MATN2: variants seen among roughly 807,000 people sequenced by gnomAD.
MATN2 encodes matrilin-2.
In MATN2, 69 loss-of-function variants were observed where a neutral mutation model predicts 103.2. The ratio of observed to expected loss-of-function variants is 0.67; its 90% confidence interval spans 0.55 to 0.82. The LOEUF is 0.82. Among genes scored for constraint, MATN2 ranks in the 40% least tolerant of loss-of-function variants. The pLI is 0.00. For synonymous variants in MATN2, 429 were observed against 450.2 expected, an observed-to-expected ratio of 0.95 and a Z score of 0.60; for missense variants, 1,023 against 1,211.5, an observed-to-expected ratio of 0.84 and a Z score of 2.31.
rs1814231092 is a variant in MATN2, at chr8:98,035,885, T to C, written c.*173T>C. 1 of 417,056 alleles carries C rather than the reference T, an allele frequency of 2.4e-6. No individual in the cohort carries two copies. The highest frequency in any genetic ancestry group is 4.4e-5 in the Admixed American group (1 of 22,874). 25.8% of individuals were successfully genotyped at this position (417,056 alleles called of 1,614,324 possible). A position where few individuals can be genotyped will look rare whatever the true frequency, so the allele number is the denominator to read the frequency against. On this transcript the variant is annotated 3_prime_UTR_variant, in exon 19 of 19. Coordinates refer to ENST00000254898, the MANE Select transcript of MATN2 (RefSeq NM_002380.5). ...AAGACAAGAAGTATACACTAACTTG[T>C]ATAAATTTATCTAGGAAAAAAATCC...
chr8:97,953,836 C>T (rs1811050876), intron 4 of MATN2, among the ~76,000 whole-genome samples: 1 of 149,206 alleles, frequency 6.7e-6, no homozygotes, highest in Admixed American at 6.7e-5. Flanking sequence ...GTGGTGCGTA[C>T]CTTTAGTCCC....
At chr8:97,941,741 C>T (rs2130182695) in intron 3 of MATN2, 36 bp from the exon 4 acceptor site, 1 of 1,552,284 alleles carries the variant, frequency 6.4e-7, no homozygotes, top group Non-Finnish European at 8.7e-7. Context: ...GAAAGGGCAT[C>T]ACTGTTGACT....
intron 2 of MATN2, among the ~76,000 whole-genome samples, chr8:97,890,539 A>C (rs914279873): frequency 6.6e-6 from 1 of 151,356 alleles, no homozygotes; most frequent in East Asian, 1.9e-4. Flanking sequence ...TGTGGCCTGG[A>C]TTCTCAAGTG....
chr8:97,909,191 C>T (rs2130063021), intron 2 of MATN2, among the ~76,000 whole-genome samples: 1 of 152,362 alleles, frequency 6.6e-6, no homozygotes, highest in African/African-American at 2.4e-5. Flanking sequence ...CCTTGGCCTC[C>T]CAAATTGCTG....
chr8:98,021,460 G>C (rs1243841050), intron 13 of MATN2, 133 bp downstream of exon 13: 2 of 969,344 alleles, frequency 2.1e-6, no homozygotes, highest in African/African-American at 3.3e-5. Flanking sequence ...AATACAGAAT[G>C]GGGAAGAGAG....
chr8:97,967,608 TCTCCTTTGA>T, intron 5 of MATN2, among the ~76,000 whole-genome samples: 1 of 152,302 alleles, frequency 6.6e-6, no homozygotes, highest in Admixed American at 6.5e-5. Context: ...TCCAAAACAA[TCTCCTTTGA>T]CTCCATGTCC....
intron 16 of MATN2, among the ~76,000 whole-genome samples, chr8:98,032,770 G>A (rs370447867): frequency 1.7e-3 from 253 of 152,246 alleles, no homozygotes; most frequent in African/African-American, 5.7e-3. Context: ...GACCTCAAGC[G>A]ATCCACCCAC....
chr8:97,964,132 T>C (rs1368523083), intron 5 of MATN2, among the ~76,000 whole-genome samples: 2 of 152,140 alleles, frequency 1.3e-5, no homozygotes, highest in Non-Finnish European at 2.9e-5. Context: ...GGGCTAAGTC[T>C]GGCCTAGGAG....
chr8:97,984,343 G>T (rs966737441), intron 6 of MATN2, among the ~76,000 whole-genome samples: 1 of 152,230 alleles, frequency 6.6e-6, no homozygotes, highest in South Asian at 2.1e-4. Context: ...GGCTACTTGC[G>T]TTCTTTGTGG....
Position 98,035,977 on chromosome 8 carries a change from C to T in MATN2, c.*265C>T. On this transcript the variant is annotated 3_prime_UTR_variant, in exon 19 of 19. Coordinates refer to ENST00000254898, the MANE Select transcript of MATN2 (RefSeq NM_002380.5). Reference sequence around the variant, plus strand: ...GCTATGCAAGGTATTTTGTAATATACTGTGGACACAACTTGCTTCTGCCTC... The same window carrying T: ...GCTATGCAAGGTATTTTGTAATATATTGTGGACACAACTTGCTTCTGCCTC... 2 of 316,144 alleles carry T rather than the reference C, an allele frequency of 6.3e-6. No individual in the cohort carries two copies. The highest frequency in any genetic ancestry group is 1.1e-5 in the Non-Finnish European group (2 of 174,654). The allele number at this position is 316,144 out of a possible 1,614,324, so 19.6% of individuals were successfully genotyped here.
At chr8:98,006,023 T>C (rs1812955873) in intron 8 of MATN2, among the ~76,000 whole-genome samples, 3 of 152,352 alleles carry the variant, frequency 2.0e-5, no homozygotes, top group Middle Eastern at 6.8e-3. Flanking sequence ...GCCTCCAGTG[T>C]CTGTCCAGTC....
intron 2 of MATN2, among the ~76,000 whole-genome samples, chr8:97,897,226 C>T (rs1483988119): frequency 6.6e-6 from 1 of 152,204 alleles, no homozygotes; most frequent in Non-Finnish European, 1.5e-5. Flanking sequence ...AGAACTATTA[C>T]TGTAGAGAAA....
chr8:97,908,210 T>C (rs542191925), intron 2 of MATN2, among the ~76,000 whole-genome samples: 5 of 152,206 alleles, frequency 3.3e-5, no homozygotes, highest in Middle Eastern at 3.4e-3. Context: ...TGAGCCAAGA[T>C]TGTGCCGTTG....
rs777517913 is a variant in MATN2, at chr8:98,035,629, T to G, written c.2816-28T>G. 3.6e-6 allele frequency: 5 copies of G among 1,405,892 alleles called. No homozygotes were observed. The South Asian group carries it at 6.4e-5, about 18-fold the overall frequency. 87.1% of individuals were successfully genotyped at this position (1,405,892 alleles called of 1,614,324 possible). A position where few individuals can be genotyped will look rare whatever the true frequency, so the allele number is the denominator to read the frequency against. On this transcript the variant is annotated intron_variant, in intron 18 of 18. Coordinates refer to ENST00000254898, the MANE Select transcript of MATN2 (RefSeq NM_002380.5). ...TTAAATGTAAATAAAAATAGACAAT[T>G]CTTCATCTTCCTTAATTTGAGATTT...
rs1289708629 is a variant in MATN2 at position 98,007,254 on chromosome 8, G to C, written c.1450+27G>C. ...TGAGTCCCTCCGCGCTCCTCTCATA[G>C]GGGAAGGTTTGCACCAGGAGTGAAA... On this transcript the variant is annotated intron_variant, in intron 9 of 18. Coordinates refer to ENST00000254898, the MANE Select transcript of MATN2 (RefSeq NM_002380.5). This position sits in a 1 kb window ranked among gnomAD's most constrained non-coding sequence, Gnocchi z 4.2. 3.1e-6 allele frequency: 5 copies of C among 1,612,880 alleles called. No homozygotes were observed. The African/African-American group carries it at 6.7e-5, about 22-fold the overall frequency.
intron 5 of MATN2, among the ~76,000 whole-genome samples, chr8:97,962,377 ATT>A (rs1264962092): frequency 6.6e-6 from 1 of 152,166 alleles, no homozygotes; most frequent in Admixed American, 6.5e-5. Flanking sequence ...GTATGCTTAT[ATT>A]TTTGCACATA....
chr8:98,028,389 AAGCCC>A (rs1813889495), intron 14 of MATN2, among the ~76,000 whole-genome samples: 1 of 152,194 alleles, frequency 6.6e-6, no homozygotes, highest in Non-Finnish European at 1.5e-5. Context: ...TTGCTCAGTA[AAGCCC>A]AGCCTCTTCT....
At chr8:98,020,966 G>T in intron 12 of MATN2, 1 of 360,066 alleles carries the variant, frequency 2.8e-6, no homozygotes, top group African/African-American at 2.1e-5. Flanking sequence ...TAATAGGATA[G>T]TAAGTCAAGG....
chr8:97,947,711 A>G (rs1390408362), intron 4 of MATN2, among the ~76,000 whole-genome samples: 1 of 152,230 alleles, frequency 6.6e-6, no homozygotes. Flanking sequence ...GATTCAAAGC[A>G]ATCCCCTTCA....
Sources: allele counts gnomAD v4.1 joint callset (sites outside exome capture counted in the v4.1 genomes callset), GRCh38; gene constraint gnomAD v4.1.1; non-coding constraint Gnocchi (gnomAD v3.1); transcripts MANE v1.5; gene names NCBI Gene and HGNC (gene_info 2026-07-23, HGNC 2026-07-21).